The following TMEM41B variants were observed in gnomAD, a reference collection of about 807,000 sequenced individuals.
TMEM41B encodes protein stasimon.
In TMEM41B, 18 loss-of-function variants were observed where a neutral mutation model predicts 31.9. That is an observed-to-expected ratio of 0.56 (90% CI 0.39 to 0.84). The LOEUF (loss-of-function observed/expected upper bound fraction) is 0.84, where lower values mean the gene tolerates loss of function less well. Among genes scored for constraint, TMEM41B ranks in the 40% least tolerant of loss-of-function variants. TMEM41B has a pLI of 0.00. For synonymous variants in TMEM41B, 144 were observed against 124.3 expected, an observed-to-expected ratio of 1.16 and a Z score of -1.05; for missense variants, 322 against 348.0, an observed-to-expected ratio of 0.93 and a Z score of 0.59.
intron 2 of TMEM41B, among the ~76,000 whole-genome samples, chr11:9,298,545 A>T (rs1853157291): frequency 1.3e-5 from 2 of 151,864 alleles, no homozygotes; most frequent in African/African-American, 4.8e-5. Context: ...TGGGCAGATC[A>T]CTTGAGGCCA....
rs1437073104 is a variant in TMEM41B at position 9,283,264 on chromosome 11, C to G, written c.*160G>C. 1.7e-6 allele frequency: 1 copy of G among 585,338 alleles called. No homozygotes were observed. Among genetic ancestry groups the G allele is most frequent in the Non-Finnish European group, 2.9e-6 (1 of 347,372 alleles). 36.3% of individuals were successfully genotyped at this position (585,338 alleles called of 1,614,324 possible). A position where few individuals can be genotyped will look rare whatever the true frequency, so the allele number is the denominator to read the frequency against. On this transcript the variant is annotated 3_prime_UTR_variant, in exon 7 of 7. Coordinates refer to ENST00000528080, the MANE Select transcript of TMEM41B (RefSeq NM_015012.4). The stretch of plus-strand genomic sequence containing the variant: ...CAATTTCCATTTTTACTTTCTTCTC[C>G]CCTTGTCACTTAAATGTATTACTTT...
intron 1 of TMEM41B, chr11:9,311,255 G>C: frequency 6.7e-7 from 1 of 1,499,296 alleles, no homozygotes. Flanking sequence ...GGTGAGACTT[G>C]AGGGAAGGAC....
At chr11:9,287,514 A>C (rs554011108) in intron 5 of TMEM41B, among the ~76,000 whole-genome samples, 188 bp downstream of exon 5, 3 of 152,336 alleles carry the variant, frequency 2.0e-5, no homozygotes, top group African/African-American at 7.2e-5. Context: ...TTTGTATTTG[A>C]AATTATTAAC....
chr11:9,284,296 C>T (rs928531416), intron 6 of TMEM41B, among the ~76,000 whole-genome samples: 2 of 151,778 alleles, frequency 1.3e-5, no homozygotes, highest in Non-Finnish European at 2.9e-5. Flanking sequence ...CAGGCGTGTA[C>T]CACCACACCC....
chr11:9,295,222 A>G (rs1284907787), intron 3 of TMEM41B, 37 bp downstream of exon 3: 3 of 1,470,806 alleles, frequency 2.0e-6, no homozygotes, highest in Non-Finnish European at 2.7e-6. Flanking sequence ...TTTTTCTTGA[A>G]CAAAATTAGA....
intron 6 of TMEM41B, among the ~76,000 whole-genome samples, chr11:9,285,585 T>C (rs749773663): frequency 6.6e-6 from 1 of 152,056 alleles, no homozygotes; most frequent in Non-Finnish European, 1.5e-5. Flanking sequence ...TCACAAAATA[T>C]GTAAGTAATT....
chr11:9,306,620 A>C (rs1853404206), intron 1 of TMEM41B, among the ~76,000 whole-genome samples: 1 of 151,952 alleles, frequency 6.6e-6, no homozygotes, highest in African/African-American at 2.4e-5. Context: ...CGGGAGGCGG[A>C]GCTTGCAGTG....
At chr11:9,310,276 C>T (rs1467102127) in intron 1 of TMEM41B, among the ~76,000 whole-genome samples, 3 of 151,844 alleles carry the variant, frequency 2.0e-5, no homozygotes, top group African/African-American at 4.8e-5. Context: ...CCTCATGTTC[C>T]GCCCGCCTCG....
intron 1 of TMEM41B, among the ~76,000 whole-genome samples, chr11:9,301,577 C>T (rs1853261117): frequency 6.6e-6 from 1 of 152,094 alleles, no homozygotes; most frequent in Admixed American, 6.6e-5. Flanking sequence ...CATCTCCCTT[C>T]TCTTGAATTA....
At chr11:9,312,721 A>C (rs1853590118) in intron 1 of TMEM41B, among the ~76,000 whole-genome samples, 1 of 151,934 alleles carries the variant, frequency 6.6e-6, no homozygotes, top group Admixed American at 6.6e-5. Flanking sequence ...CTGGCTAACA[A>C]GGTGAAACCC....
intron 3 of TMEM41B, among the ~76,000 whole-genome samples, chr11:9,291,039 C>A (rs867160143): frequency 6.6e-6 from 1 of 152,030 alleles, no homozygotes; most frequent in Admixed American, 6.6e-5. Flanking sequence ...TCTCTTGAAC[C>A]CAGAGGGCAG....
intron 6 of TMEM41B, among the ~76,000 whole-genome samples, chr11:9,285,856 C>T (rs1166314844): frequency 6.6e-6 from 1 of 151,558 alleles, no homozygotes; most frequent in East Asian, 1.9e-4. Context: ...GTGGCTCACG[C>T]CTATAATCCC....
intron 1 of TMEM41B, among the ~76,000 whole-genome samples, chr11:9,304,500 TCTCA>T (rs1317330481): frequency 1.3e-5 from 2 of 152,098 alleles, no homozygotes; most frequent in Non-Finnish European, 2.9e-5. Context: ...TGAGACGGTG[TCTCA>T]CTCTGTTGCC....
chr11:9,288,387 A>C (rs1254537395), intron 4 of TMEM41B, 55 bp downstream of exon 4: 4 of 1,233,374 alleles, frequency 3.2e-6, no homozygotes, highest in Non-Finnish European at 4.6e-6. Flanking sequence ...TATCATCATC[A>C]TCCTCATCAT....
At chr11:9,301,886 G>C (rs942920538) in intron 1 of TMEM41B, among the ~76,000 whole-genome samples, 2 of 152,048 alleles carry the variant, frequency 1.3e-5, no homozygotes, top group African/African-American at 4.8e-5. Context: ...ACCCAGAGAA[G>C]CAGAATTGGG....
intron 1 of TMEM41B, among the ~76,000 whole-genome samples, chr11:9,305,258 T>C (rs916680633): frequency 2.0e-5 from 3 of 152,148 alleles, no homozygotes; most frequent in African/African-American, 7.2e-5. Context: ...AAAGACACAT[T>C]ATACATGCAA....
rs540146510 is a variant in TMEM41B, at chr11:9,292,141, G to C, written c.368+3118C>G. Among the ~76,000 whole-genome samples the C allele has an allele frequency of 3.9e-5, 6 of 152,168 alleles. 1 individual carries two copies. The highest frequency in any genetic ancestry group is 2.0e-4 in the Admixed American group (3 of 15,270). ...AGTATTTGCTCAAAGGATCACTTAAGCATAGGGTCTTTATTTTTTCTTTCT... is the reference window on the plus strand; with the variant it reads ...AGTATTTGCTCAAAGGATCACTTAACCATAGGGTCTTTATTTTTTCTTTCT... On this transcript the variant is annotated intron_variant, in intron 3 of 6. Coordinates refer to ENST00000528080, the MANE Select transcript of TMEM41B (RefSeq NM_015012.4).
chr11:9,312,903 C>CAAAAAAAAAA (rs36030741), intron 1 of TMEM41B, among the ~76,000 whole-genome samples: 1 of 95,342 alleles, frequency 1.0e-5, no homozygotes. Flanking sequence ...GACTCCGTCT[C>CAAAAAAAAAA]AAAAAAAAAA....
At chr11:9,300,648 G>T (rs2133634953) in intron 1 of TMEM41B, among the ~76,000 whole-genome samples, 2 of 152,256 alleles carry the variant, frequency 1.3e-5, no homozygotes, top group East Asian at 3.9e-4. Flanking sequence ...GGAGGCCGAA[G>T]CGGGCAGATC....
Sources: gnomAD v4.1 joint callset for allele counts (sites outside exome capture counted in the v4.1 genomes callset) on GRCh38, gnomAD v4.1.1 for gene constraint, MANE v1.5 for transcripts, NCBI Gene and HGNC (gene_info 2026-07-23, HGNC 2026-07-21) for gene names.